The following CEMIP2 variants were observed in gnomAD, a reference collection of about 807,000 sequenced individuals.
CEMIP2 encodes cell migration inducing hyaluronidase 2, also known as cell surface hyaluronidase CEMIP2.
In CEMIP2, 79 loss-of-function variants were observed where a neutral mutation model predicts 146.9. The ratio of observed to expected loss-of-function variants is 0.54; its 90% confidence interval spans 0.45 to 0.65. CEMIP2 has a LOEUF of 0.65. Among genes scored for constraint, CEMIP2 ranks in the 30% least tolerant of loss-of-function variants. The pLI is 0.00. For missense variants in CEMIP2, 1,596 were observed against 1,696.2 expected, an observed-to-expected ratio of 0.94 and a Z score of 1.04; for synonymous variants, 601 against 606.3, an observed-to-expected ratio of 0.99 and a Z score of 0.13.
intron 17 of CEMIP2, 69 bp from the exon 18 acceptor site, chr9:71,704,872 CACAAAGTCAAG>C: frequency 6.8e-7 from 1 of 1,476,708 alleles, no homozygotes; most frequent in Non-Finnish European, 9.4e-7. Context: ...ACATTTTCAG[CACAAAGTCAAG>C]TGTCTCAACT....
At chr9:71,711,686 C>T (rs1484432008) in intron 16 of CEMIP2, among the ~76,000 whole-genome samples, 1 of 152,124 alleles carries the variant, frequency 6.6e-6, no homozygotes, top group Non-Finnish European at 1.5e-5. Context: ...TTCTCTAGTC[C>T]CCCAGAAGAA....
chr9:71,743,721 G>A (rs1330822527), intron 4 of CEMIP2, among the ~76,000 whole-genome samples: 1 of 152,084 alleles, frequency 6.6e-6, no homozygotes, highest in Admixed American at 6.5e-5. Context: ...GTGTCCTTTC[G>A]TCTAAGCATC....
At chr9:71,704,886 T>C (rs1822690403) in intron 17 of CEMIP2, 83 bp from the exon 18 acceptor site, 1 of 1,341,744 alleles carries the variant, frequency 7.5e-7, no homozygotes, top group African/African-American at 1.5e-5. Context: ...AAGTCAAGTG[T>C]CTCAACTTTG....
chr9:71,708,249 G>T (rs1404727032), intron 17 of CEMIP2, among the ~76,000 whole-genome samples: 3 of 152,118 alleles, frequency 2.0e-5, no homozygotes, highest in African/African-American at 7.2e-5. Flanking sequence ...GAGGGTGGGG[G>T]CAGGATCTGC....
chr9:71,745,349 C>T lies in CEMIP2; in HGVS notation c.703G>A (p.Ala235Thr). Reference protein sequence around the residue: ...EAGGTLELHGARKASWTLLAR... With the variant: ...EAGGTLELHGTRKASWTLLAR... Reference sequence around the variant, plus strand: ...AACAACGTCCACGATGCCTTCCGTGCCCCATGTAACTCCAGTGTCCCGCCA... The same window carrying T: ...AACAACGTCCACGATGCCTTCCGTGTCCCATGTAACTCCAGTGTCCCGCCA... The change falls in exon 4 of 24, where the codon GCA becomes ACA. Residue 235 changes from alanine (A) to threonine (T), a missense_variant. Coordinates refer to ENST00000377044, the MANE Select transcript of CEMIP2 (RefSeq NM_013390.3). The T allele has an allele frequency of 6.2e-7, 1 of 1,613,710 alleles. No individual in the cohort carries two copies. The highest frequency in any genetic ancestry group is 8.5e-7 in the Non-Finnish European group (1 of 1,179,670).
At chr9:71,768,869 C>G (rs1404596263), upstream of CEMIP2, 2 of 119,590 alleles carry the variant, frequency 1.7e-5, no homozygotes, top group Non-Finnish European at 3.3e-5. Flanking sequence ...ACAAGCAGCC[C>G]GGCTCGGCTG....
rs566142740 is a variant in CEMIP2, at chr9:71,740,597, A to G, written c.1035-365T>C. Among the ~76,000 whole-genome samples the G allele has an allele frequency of 5.3e-5, 8 of 152,336 alleles. No homozygotes were observed. The South Asian group carries it at 8.3e-4, about 16-fold the overall frequency. The stretch of plus-strand genomic sequence containing the variant: ...TCACATGCTCTCTTTTAAACTTTCT[A>G]TTAATACAATGTTCTCAAAAATCTA... On this transcript the variant is annotated intron_variant, in intron 4 of 23. Transcript: ENST00000377044.
intron 1 of CEMIP2, among the ~76,000 whole-genome samples, chr9:71,753,110 A>T (rs1342013891): frequency 6.6e-6 from 1 of 152,192 alleles, no homozygotes; most frequent in Non-Finnish European, 1.5e-5. Flanking sequence ...ATCCTCTCTG[A>T]ACAAAGAAAG....
chr9:71,733,848 C>CTTT (rs757541859), intron 6 of CEMIP2, among the ~76,000 whole-genome samples: 25 of 145,564 alleles, frequency 1.7e-4, no homozygotes, highest in Non-Finnish European at 2.9e-4. Context: ...TTTGTGTAGT[C>CTTT]TTTTTTTTTT....
At chr9:71,699,649 C>T (rs1822502556) in intron 19 of CEMIP2, among the ~76,000 whole-genome samples, 1 of 152,206 alleles carries the variant, frequency 6.6e-6, no homozygotes, top group South Asian at 2.1e-4. Context: ...ATCTCGCCAC[C>T]CTTCTCCCCA....
intron 11 of CEMIP2, among the ~76,000 whole-genome samples, chr9:71,724,301 GA>G (rs536088183): frequency 0.053 from 7,501 of 141,632 alleles, 227 homozygotes; most frequent in South Asian, 0.074. Context: ...CTCAAAAAAA[GA>G]AAAAAAAAAA....
At chr9:71,761,993 C>T (rs538603640) in intron 1 of CEMIP2, among the ~76,000 whole-genome samples, 2 of 151,856 alleles carry the variant, frequency 1.3e-5, no homozygotes, top group South Asian at 2.1e-4. Context: ...CACTGAACTC[C>T]GCCATTTAAA....
intron 15 of CEMIP2, among the ~76,000 whole-genome samples, chr9:71,714,343 C>T (rs1207760082): frequency 1.5e-5 from 2 of 136,648 alleles, no homozygotes; most frequent in Non-Finnish European, 3.3e-5. Flanking sequence ...TGAAGACGTG[C>T]TAAGTACAAT....
At chr9:71,734,671 C>T (rs776648447) in intron 6 of CEMIP2, 135 bp downstream of exon 6, 4 of 712,428 alleles carry the variant, frequency 5.6e-6, no homozygotes, top group Non-Finnish European at 6.5e-6. Context: ...CACTCCACTG[C>T]TATGACTTTC....
At chr9:71,738,006 C>T (rs952977077) in intron 5 of CEMIP2, among the ~76,000 whole-genome samples, 1 of 152,078 alleles carries the variant, frequency 6.6e-6, no homozygotes, top group Non-Finnish European at 1.5e-5. Flanking sequence ...GTTTGAATAA[C>T]AGCTAAATAT....
At position 71,728,270 on chromosome 9, in the gene CEMIP2, T is replaced by A. The variant is rs1351507106; in HGVS notation, c.2049+1575A>T. On this transcript the variant is annotated intron_variant, in intron 10 of 23. Coordinates refer to ENST00000377044, the MANE Select transcript of CEMIP2 (RefSeq NM_013390.3). ...ATATATGTATATACACGTATATATA[T>A]ATATATATATGTATATATATATATA... 1.5e-3 allele frequency among the ~76,000 whole-genome samples: 16 copies of A among 10,490 alleles called. 3 individuals carry two copies. In the South Asian group the frequency reaches 0.015, roughly 10 times the overall value. The allele number at this position is 10,490 out of a possible 152,430, so 6.9% of individuals were successfully genotyped here.
Position 71,750,381 on chromosome 9 carries a change from T to C in CEMIP2, c.-8A>G, listed in dbSNP as rs761204329. The C allele has an allele frequency of 1.4e-5, 22 of 1,555,724 alleles. No individual in the cohort carries two copies. In the East Asian group the frequency reaches 5.0e-4, roughly 35 times the overall value. On this transcript the variant is annotated 5_prime_UTR_variant, in exon 2 of 24. Coordinates refer to ENST00000377044, the MANE Select transcript of CEMIP2 (RefSeq NM_013390.3). Reference sequence around the variant, plus strand: ...GGAATCAGTGGCATACATGATACACTGTTACTGTGAAAAGAAAAAAAAATT... The same window carrying C: ...GGAATCAGTGGCATACATGATACACCGTTACTGTGAAAAGAAAAAAAAATT...
At chr9:71,694,629 T>C (rs1171892667) in intron 20 of CEMIP2, 22 bp from the exon 21 acceptor site, 4 of 1,524,210 alleles carry the variant, frequency 2.6e-6, no homozygotes, top group Non-Finnish European at 3.6e-6. Context: ...AGAAGTTCCA[T>C]ATTTATGGCA....
rs1215341400 is a variant in CEMIP2 at position 71,683,527 on chromosome 9, C to T, written c.*1670G>A. The stretch of plus-strand genomic sequence containing the variant: ...AGATATTTAAGTCATAAAACACACA[C>T]ACACACACACACACACACACACACT... On this transcript the variant is annotated 3_prime_UTR_variant, in exon 24 of 24. Transcript: ENST00000377044. 2.5e-5 allele frequency: 1 copy of T among 40,638 alleles called. No individual in the cohort carries two copies. The highest frequency in any genetic ancestry group is 4.1e-5 in the Non-Finnish European group (1 of 24,614). 2.5% of individuals were successfully genotyped at this position (40,638 alleles called of 1,614,324 possible).
Sources: gnomAD v4.1 joint callset for allele counts (sites outside exome capture counted in the v4.1 genomes callset) on GRCh38, gnomAD v4.1.1 for gene constraint, MANE v1.5 for transcripts, NCBI Gene and HGNC (gene_info 2026-07-23, HGNC 2026-07-21) for gene names.